TMEM196: variants seen among roughly 807,000 people sequenced by gnomAD.
TMEM196 encodes the protein transmembrane protein 196.
Under a neutral mutation model 20.0 loss-of-function variants are expected in TMEM196, and 17 were observed. The ratio of observed to expected loss-of-function variants is 0.85; its 90% confidence interval spans 0.58 to 1.27. The LOEUF (loss-of-function observed/expected upper bound fraction) is 1.27. TMEM196 is among the 50% of genes most tolerant of loss of function. The pLI, the probability that TMEM196 is intolerant of heterozygous loss-of-function variation, is 0.00. For synonymous variants in TMEM196, 113 were observed against 88.9 expected (o/e 1.27, Z -1.52); for missense variants, 267 against 223.0 (o/e 1.20, Z -1.26).
chr7:19,759,574 T>A (rs1583455765), intron 1 of TMEM196, among the ~76,000 whole-genome samples: 1 of 152,168 alleles, frequency 6.6e-6, no homozygotes, highest in East Asian at 1.9e-4. Flanking sequence ...CTCACAAGCA[T>A]CTCTACTTTC....
intron 1 of TMEM196, among the ~76,000 whole-genome samples, chr7:19,746,804 G>C (rs1357498601): frequency 6.6e-6 from 1 of 152,192 alleles, no homozygotes; most frequent in Non-Finnish European, 1.5e-5. Context: ...ATATTTTATA[G>C]CACTGCCTGA....
intron 1 of TMEM196, among the ~76,000 whole-genome samples, chr7:19,736,402 A>G (rs982149739): frequency 1.3e-5 from 1 of 78,332 alleles, no homozygotes; most frequent in Admixed American, 1.4e-4. Context: ...TATATATATA[A>G]ATTATCTCTG....
chr7:19,733,676 TACAG>T (rs1406324853), intron 1 of TMEM196, among the ~76,000 whole-genome samples: 2 of 147,716 alleles, frequency 1.4e-5, no homozygotes, highest in African/African-American at 2.5e-5. Flanking sequence ...AAAAAAAAAA[TACAG>T]AGGGAGAGGC....
intron 1 of TMEM196, among the ~76,000 whole-genome samples, chr7:19,756,392 A>AGGAGTACATCTGCAG (rs1444229160): frequency 6.6e-6 from 1 of 151,992 alleles, no homozygotes; most frequent in Non-Finnish European, 1.5e-5. Flanking sequence ...TTACGTGTGT[A>AGGAGTACATCTGCAG]GGAGTACATC....
chr7:19,766,584 T>C (rs963203018), intron 1 of TMEM196, among the ~76,000 whole-genome samples: 13 of 151,200 alleles, frequency 8.6e-5, no homozygotes, highest in Non-Finnish European at 1.6e-4. Context: ...CATATACACA[T>C]ATATATATAA....
At chr7:19,724,931 G>T (rs1783939532) in intron 3 of TMEM196, among the ~76,000 whole-genome samples, 1 of 152,058 alleles carries the variant, frequency 6.6e-6, no homozygotes, top group Non-Finnish European at 1.5e-5. Context: ...CTATTTATAT[G>T]GGTTTCATGA....
At chr7:19,767,148 G>C (rs927348559) in intron 1 of TMEM196, among the ~76,000 whole-genome samples, 1 of 151,972 alleles carries the variant, frequency 6.6e-6, no homozygotes, top group African/African-American at 2.4e-5. Context: ...CAGTATGTGC[G>C]ATTTACATGT....
At chr7:19,769,270 T>G (rs1028136249) in intron 1 of TMEM196, among the ~76,000 whole-genome samples, 4 of 152,160 alleles carry the variant, frequency 2.6e-5, no homozygotes, top group Non-Finnish European at 5.9e-5. Flanking sequence ...TATCTAGCTT[T>G]CTTCTGCATT....
chr7:19,726,435 A>G (rs1784003469), intron 2 of TMEM196, among the ~76,000 whole-genome samples: 1 of 152,182 alleles, frequency 6.6e-6, no homozygotes, highest in Admixed American at 6.5e-5. Context: ...TGTATTTCCT[A>G]AGCAAGTACT....
intron 1 of TMEM196, among the ~76,000 whole-genome samples, chr7:19,746,163 G>A (rs2128027132): frequency 6.6e-6 from 1 of 152,256 alleles, no homozygotes; most frequent in African/African-American, 2.4e-5. Flanking sequence ...ATGGAAAGGA[G>A]TTATATAGAG....
intron 4 of TMEM196, among the ~76,000 whole-genome samples, chr7:19,723,997 A>G (rs1439799490): frequency 2.6e-5 from 4 of 151,996 alleles, no homozygotes; most frequent in Non-Finnish European, 4.4e-5. Context: ...ACCATGAAGT[A>G]GCAGACAATA....
rs55646735 is a variant in TMEM196 at position 19,760,352 on chromosome 7, CTTTTTTTTT to C, written c.147+12189_147+12197del. ...ATTCTTCATAAGCCTATATATTTTC[CTTTTTTTTT>C]TTTTTTTTTTTTTTTTTGAGACGAA... On this transcript the variant is annotated intron_variant, in intron 1 of 4. Coordinates refer to ENST00000405844, the MANE Select transcript of TMEM196 (RefSeq NM_001363562.2). 8.3e-3 allele frequency among the ~76,000 whole-genome samples: 764 copies of C among 92,158 alleles called. 2 individuals are homozygous for C. Among genetic ancestry groups the C allele is most frequent in the African/African-American group, 0.031 (682 of 21,928 alleles). 60.5% of individuals were successfully genotyped at this position (92,158 alleles called of 152,430 possible).
chr7:19,729,471 T>C (rs1036741123), intron 1 of TMEM196, 33 bp from the exon 2 acceptor site: 2 of 1,544,754 alleles, frequency 1.3e-6, no homozygotes, highest in South Asian at 2.4e-5. Flanking sequence ...TTACTCCTTA[T>C]CCAAAGACAC....
Position 19,719,641 on chromosome 7 carries a change from G to A in TMEM196, c.*2487C>T, listed in dbSNP as rs1293254354. The A allele has an allele frequency of 6.6e-6, 1 of 151,944 alleles. No individual in the cohort carries two copies. The highest frequency in any genetic ancestry group is 1.5e-5 in the Non-Finnish European group (1 of 67,950). The allele number at this position is 151,944 out of a possible 1,614,324, so 9.4% of individuals were successfully genotyped here. A position where few individuals can be genotyped will look rare whatever the true frequency, so the allele number is the denominator to read the frequency against. On this transcript the variant is annotated 3_prime_UTR_variant, in exon 5 of 5. Coordinates refer to ENST00000405844, the MANE Select transcript of TMEM196 (RefSeq NM_001363562.2). Reference sequence around the variant, plus strand: ...AGTCACTTAAAACATTCCAGCATGTGGTTCAATGTATTGTCCAAATTAAAG... The same window carrying A: ...AGTCACTTAAAACATTCCAGCATGTAGTTCAATGTATTGTCCAAATTAAAG...
rs967540382 is a variant in TMEM196, at chr7:19,724,274, G to T, written c.533+6C>A. 1 of 1,550,156 alleles carries T rather than the reference G, an allele frequency of 6.5e-7. No individual in the cohort carries two copies. Among genetic ancestry groups the T allele is most frequent in the Non-Finnish European group, 8.7e-7 (1 of 1,146,762 alleles). ...CAACATGGTAACTCCCTAGAAATCA[G>T]CGTACCTTGTAGGTAACTCTGGTGT... On this transcript the variant is annotated splice_donor_region_variant and intron_variant, in intron 4 of 4. Coordinates refer to ENST00000405844, the MANE Select transcript of TMEM196 (RefSeq NM_001363562.2).
At chr7:19,772,422 C>CGTAG in intron 1 of TMEM196, 128 bp downstream of exon 1, 3 of 1,051,940 alleles carry the variant, frequency 2.9e-6, no homozygotes, top group Non-Finnish European at 3.8e-6. Context: ...CATGAACCTA[C>CGTAG]ATGCAAGCCA....
At chr7:19,742,099 G>A (rs554304864) in intron 1 of TMEM196, among the ~76,000 whole-genome samples, 9 of 152,112 alleles carry the variant, frequency 5.9e-5, no homozygotes, top group South Asian at 2.1e-4. Flanking sequence ...GATACTTTTC[G>A]TTCAGTCAAG....
intron 1 of TMEM196, among the ~76,000 whole-genome samples, chr7:19,736,840 A>G (rs913651034): frequency 6.6e-6 from 1 of 151,980 alleles, no homozygotes. Flanking sequence ...CATAGAGATC[A>G]TTATTTTATC....
intron 1 of TMEM196, among the ~76,000 whole-genome samples, chr7:19,747,172 G>T (rs1003946096): frequency 6.6e-6 from 1 of 150,614 alleles, no homozygotes; most frequent in Non-Finnish European, 1.5e-5. Flanking sequence ...GGAGAATGGC[G>T]TGAACCCGGG....
Sources: allele counts gnomAD v4.1 joint callset (sites outside exome capture counted in the v4.1 genomes callset), GRCh38; gene constraint gnomAD v4.1.1; transcripts MANE v1.5; gene names NCBI Gene and HGNC (gene_info 2026-07-23, HGNC 2026-07-21).